Variants in AEBP2 observed in about 807,000 individuals in gnomAD.
AEBP2 encodes the protein AE binding protein 2, also known as zinc finger protein AEBP2.
Under a neutral mutation model 50.8 loss-of-function variants are expected in AEBP2, and 10 were observed. The ratio of observed to expected loss-of-function variants is 0.20; its 90% CI spans 0.12 to 0.33. The LOEUF is 0.33. Ranked by LOEUF, AEBP2 falls within the 10% of genes least tolerant of loss-of-function variation. AEBP2 has a pLI of 1.00. For missense variants in AEBP2, 570 were observed against 688.0 expected, an observed-to-expected ratio of 0.83 and a Z score of 1.92; for synonymous variants, 296 against 261.3, an observed-to-expected ratio of 1.13 and a Z score of -1.28.
At chr12:19,407,824 G>A (rs1054573798) in intron 1 of AEBP2, among the ~76,000 whole-genome samples, 3 of 152,194 alleles carry the variant, frequency 2.0e-5, no homozygotes, top group Non-Finnish European at 4.4e-5. Context: ...CGAGGCGGGC[G>A]GGTCACCTGA....
At chr12:19,420,321 G>A (rs959309778) in intron 1 of AEBP2, among the ~76,000 whole-genome samples, 5 of 141,174 alleles carry the variant, frequency 3.5e-5, no homozygotes, top group Non-Finnish European at 7.6e-5. Flanking sequence ...GAGCCACTGT[G>A]CTGACCATTT....
chr12:19,452,432 G>C (rs1948179916), intron 1 of AEBP2, among the ~76,000 whole-genome samples: 1 of 152,118 alleles, frequency 6.6e-6, no homozygotes, highest in African/African-American at 2.4e-5. Flanking sequence ...TATATAGTAG[G>C]TTACATAATT....
chr12:19,507,194 G>A (rs1370962889), intron 5 of AEBP2, among the ~76,000 whole-genome samples: 1 of 152,162 alleles, frequency 6.6e-6, no homozygotes, highest in Non-Finnish European at 1.5e-5. Context: ...GAAGTGTTTG[G>A]GGCTTACCAA....
chr12:19,470,267 C>G (rs1948550137), intron 2 of AEBP2, among the ~76,000 whole-genome samples: 1 of 151,972 alleles, frequency 6.6e-6, no homozygotes. Context: ...AAGCGATTCT[C>G]CTGCCTCAGC....
At chr12:19,422,508 T>C (rs2153364531) in intron 1 of AEBP2, among the ~76,000 whole-genome samples, 1 of 152,062 alleles carries the variant, frequency 6.6e-6, no homozygotes, top group East Asian at 2.0e-4. Flanking sequence ...ACATTTTTTT[T>C]TTTTTGAGAC....
chr12:19,484,937 G>A (rs1948785680), intron 3 of AEBP2, among the ~76,000 whole-genome samples: 1 of 152,078 alleles, frequency 6.6e-6, no homozygotes, highest in Admixed American at 6.6e-5. Flanking sequence ...GACATTTGCT[G>A]GAAATGTGAC....
At chr12:19,434,237 G>A (rs919239830) in intron 1 of AEBP2, among the ~76,000 whole-genome samples, 7 of 149,180 alleles carry the variant, frequency 4.7e-5, no homozygotes, top group African/African-American at 1.5e-4. Flanking sequence ...GCAATGGTGT[G>A]CTCTTCACTC....
chr12:19,480,143 C>T (rs910844307), intron 3 of AEBP2, among the ~76,000 whole-genome samples: 1 of 152,042 alleles, frequency 6.6e-6, no homozygotes, highest in African/African-American at 2.4e-5. Context: ...CACTCTGTTG[C>T]CCAGGCTGGA....
intron 4 of AEBP2, among the ~76,000 whole-genome samples, chr12:19,498,827 C>A (rs1949023936): frequency 6.6e-6 from 1 of 151,828 alleles, no homozygotes. Context: ...TAAAATACTG[C>A]CTACTCTATA....
At chr12:19,409,770 G>A (rs1253729093) in intron 1 of AEBP2, among the ~76,000 whole-genome samples, 1 of 152,154 alleles carries the variant, frequency 6.6e-6, no homozygotes, top group Non-Finnish European at 1.5e-5. Flanking sequence ...ATAATGTCGT[G>A]GGCTTTGCCT....
intron 6 of AEBP2, among the ~76,000 whole-genome samples, chr12:19,514,042 C>T (rs1949281911): frequency 6.6e-6 from 1 of 151,178 alleles, no homozygotes; most frequent in Non-Finnish European, 1.5e-5. Flanking sequence ...CTTTGACGCC[C>T]ATGCTGCAGT....
chr12:19,448,894 G>A (rs1410848963), intron 1 of AEBP2, among the ~76,000 whole-genome samples: 1 of 152,032 alleles, frequency 6.6e-6, no homozygotes, highest in Non-Finnish European at 1.5e-5. Context: ...TGCCCAGGCT[G>A]GTCTCGAACC....
At chr12:19,447,215 GAATCA>G (rs1948086820) in intron 1 of AEBP2, among the ~76,000 whole-genome samples, 2 of 152,310 alleles carry the variant, frequency 1.3e-5, no homozygotes, top group Middle Eastern at 3.4e-3. Context: ...ATAGGTTTGT[GAATCA>G]AATTCTTTTT....
chr12:19,445,865 G>A (rs1385281899), intron 1 of AEBP2: 1 of 151,828 alleles, frequency 6.6e-6, no homozygotes, highest in Non-Finnish European at 1.5e-5. Flanking sequence ...TAATATGTAC[G>A]TGCAGCTAGT....
intron 5 of AEBP2, among the ~76,000 whole-genome samples, chr12:19,505,493 T>G (rs557919827): frequency 6.6e-6 from 1 of 152,202 alleles, no homozygotes. Flanking sequence ...TTAGTAAAAT[T>G]GTAAAAACTT....
intron 1 of AEBP2, among the ~76,000 whole-genome samples, chr12:19,409,375 C>T (rs899903581): frequency 1.3e-5 from 2 of 151,342 alleles, no homozygotes; most frequent in African/African-American, 4.9e-5. Context: ...ATCCCTATTG[C>T]ATTATCCTAC....
At chr12:19,511,158 G>C (rs1225474927) in intron 5 of AEBP2, among the ~76,000 whole-genome samples, 1 of 152,092 alleles carries the variant, frequency 6.6e-6, no homozygotes, top group Non-Finnish European at 1.5e-5. Context: ...CCTTCCAAAA[G>C]CTATGAACTC....
intron 3 of AEBP2, among the ~76,000 whole-genome samples, chr12:19,479,717 G>GTTTCTTTT (rs1948698002): frequency 1.8e-4 from 4 of 22,314 alleles, no homozygotes; most frequent in Non-Finnish European, 3.6e-4. Context: ...CTCTTTGTGG[G>GTTTCTTTT]TTTTTTTTTT....
intron 1 of AEBP2, among the ~76,000 whole-genome samples, chr12:19,420,735 C>T (rs1312088320): frequency 1.3e-5 from 2 of 152,150 alleles, no homozygotes; most frequent in Non-Finnish European, 2.9e-5. Context: ...ATCCTGCTTA[C>T]ACCTTTAACT....
Sources: allele counts gnomAD v4.1 joint callset (sites outside exome capture counted in the v4.1 genomes callset), GRCh38; gene constraint gnomAD v4.1.1; transcripts MANE v1.5; gene names NCBI Gene and HGNC (gene_info 2026-07-23, HGNC 2026-07-21).